Variants in PLP1 observed in about 807,000 individuals in gnomAD.
The protein encoded by PLP1 is proteolipid protein 1.
In PLP1, 2 loss-of-function variants were observed where a neutral mutation model predicts 18.5. The observed-to-expected ratio is 0.11, with a 90% confidence interval of 0.04 to 0.34. The LOEUF (loss-of-function observed/expected upper bound fraction) is 0.34. PLP1 is among the 10% of genes least tolerant of loss of function. PLP1 has a pLI of 1.00. For missense variants in PLP1, 105 were observed against 207.3 expected, an observed-to-expected ratio of 0.51 and a Z score of 3.03; for synonymous variants, 86 against 83.2, an observed-to-expected ratio of 1.03 and a Z score of -0.19.
chrX:103,781,353 A>G (rs1248351834), intron 1 of PLP1: 1 of 311,815 alleles, frequency 3.2e-6, no homozygotes, highest in Non-Finnish European at 6.3e-6. Context: ...CGCTGTGAAG[A>G]GCGCTGGTGA....
chrX:103,777,479 C>T (rs750336927), intron 1 of PLP1, among the ~76,000 whole-genome samples: 1 of 112,046 alleles, frequency 8.9e-6, no homozygotes, highest in South Asian at 3.7e-4. Context: ...TGGACTCAGG[C>T]TTGGCTATGG....
rs145727972 is a variant in PLP1, at chrX:103,790,475, G to A, written c.763-52G>A. On this transcript the variant is annotated intron_variant, in intron 6 of 6. Coordinates refer to ENST00000621218, the MANE Select transcript of PLP1 (RefSeq NM_000533.5). ...CTCATTCCCAAAGGGATTTGAGGAGGGAGTGCTTTCTTTTCTACTCTCATT... is the reference window on the plus strand; with the variant it reads ...CTCATTCCCAAAGGGATTTGAGGAGAGAGTGCTTTCTTTTCTACTCTCATT... 2.3e-3 allele frequency: 1,978 copies of A among 852,010 alleles called. 9 individuals are homozygous for A. The highest frequency in any genetic ancestry group is 0.013 in the Middle Eastern group (47 of 3,673). The allele number at this position is 852,010 out of a possible 1,213,427, so 70.2% of individuals were successfully genotyped here. A position where few individuals can be genotyped will look rare whatever the true frequency, so the allele number is the denominator to read the frequency against.
In PLP1 at chrX:103,786,684, G is replaced by C; in HGVS notation, c.411G>C (p.Arg137=). ...AACATCAAGCTCATTCTTTGGAGCG[G>C]GTGTGTCATTGTTTGGGAAAATGGC... is the stretch of plus-strand genomic sequence containing the variant. ...RGQHQAHSLE[R]VCHCLGKWLG... Residue 137 remains arginine (R), a synonymous_variant, in exon 3 of 7, where the codon CGG becomes CGC. Transcript: ENST00000621218. 8.3e-7 allele frequency: 1 copy of C among 1,211,340 alleles called. No homozygotes were observed. Among genetic ancestry groups the C allele is most frequent in the Non-Finnish European group, 1.1e-6 (1 of 895,123 alleles).
chrX:103,790,605 G>A lies in PLP1; in HGVS notation c.*7G>A, dbSNP rs758148748. ...CCGAGGCACCAAGTTCTGATCCCCC[G>A]TAGAAATCCCCCTTTCTCTAATAGC... On this transcript the variant is annotated 3_prime_UTR_variant, in exon 7 of 7. Coordinates refer to ENST00000621218, the MANE Select transcript of PLP1 (RefSeq NM_000533.5). 6.8e-6 allele frequency: 8 copies of A among 1,173,633 alleles called. No homozygotes were observed. The highest frequency in any genetic ancestry group is 3.0e-5 in the East Asian group (1 of 33,643).
chrX:103,784,278 G>A (rs1052903387), intron 1 of PLP1, among the ~76,000 whole-genome samples: 1 of 111,552 alleles, frequency 9.0e-6, no homozygotes, highest in African/African-American at 3.3e-5. Flanking sequence ...CCCAGGCCCT[G>A]GTGTGTTCCT....
At chrX:103,778,432 A>G (rs1016750887) in intron 1 of PLP1, among the ~76,000 whole-genome samples, 1 of 112,000 alleles carries the variant, frequency 8.9e-6, no homozygotes, top group African/African-American at 3.2e-5. Context: ...GAGGAACTCA[A>G]TTCCTGCCCT....
chrX:103,785,881 C>A, intron 2 of PLP1, 113 bp downstream of exon 2: 1 of 777,466 alleles, frequency 1.3e-6, no homozygotes, highest in Non-Finnish European at 2.0e-6. Flanking sequence ...TGGAGCCAGA[C>A]CGGATTCCCG....
At chrX:103,781,483 C>T (rs1207910211) in intron 1 of PLP1, among the ~76,000 whole-genome samples, 1 of 112,191 alleles carries the variant, frequency 8.9e-6, no homozygotes, top group African/African-American at 3.2e-5. Context: ...TTTGCCCACA[C>T]AACTTCGTTA....
At chrX:103,781,371 T>C (rs2074452908) in intron 1 of PLP1, 1 of 302,240 alleles carries the variant, frequency 3.3e-6, no homozygotes, top group Admixed American at 3.3e-5. Context: ...TGAGAAGGGC[T>C]TAAAGTTGGA....
Position 103,777,080 on chromosome X carries a change from G to A in PLP1, c.4+81G>A, listed in dbSNP as rs1166346101. The A allele has an allele frequency of 3.6e-6, 3 of 828,750 alleles. No homozygotes were observed. The highest frequency in any genetic ancestry group is 2.0e-5 in the African/African-American group (1 of 49,803). 68.3% of individuals were successfully genotyped at this position (828,750 alleles called of 1,213,427 possible). On this transcript the variant is annotated intron_variant, in intron 1 of 6. Transcript: ENST00000621218. ...AGAATTTCCAACTTTGGGGTTCGGG[G>A]GTTCCATGGTTTAAATGAGTCGTGT...
intron 6 of PLP1, among the ~76,000 whole-genome samples, chrX:103,789,733 A>G (rs112019925): frequency 8.9e-6 from 1 of 112,195 alleles, no homozygotes; most frequent in African/African-American, 3.2e-5. Context: ...TTTTGATCAG[A>G]TCAGTGACAA....
In PLP1 at chrX:103,791,970, A is replaced by AT. The variant is rs1235590736; in HGVS notation, c.*1376dup. ...AAGAGTTAGGTTTAACATAAAGGTTATTTTCTCCTGATATAGATCACATAA... is the reference window on the plus strand; with the variant it reads ...AAGAGTTAGGTTTAACATAAAGGTTATTTTTCTCCTGATATAGATCACATAA... On this transcript the variant is annotated 3_prime_UTR_variant, in exon 7 of 7. Transcript: ENST00000621218. 1 of 111,869 alleles carries AT rather than the reference A, an allele frequency of 8.9e-6. No homozygotes were observed. The highest frequency in any genetic ancestry group is 1.9e-5 in the Non-Finnish European group (1 of 53,172). The allele number at this position is 111,869 out of a possible 1,213,427, so 9.2% of individuals were successfully genotyped here. A position where few individuals can be genotyped will look rare whatever the true frequency, so the allele number is the denominator to read the frequency against.
rs977714118 is a variant in PLP1 at position 103,787,819 on chromosome X, C to T, written c.475C>T (p.Leu159=). 15 of 1,210,484 alleles carry T rather than the reference C, an allele frequency of 1.2e-5. No individual in the cohort carries two copies. Among genetic ancestry groups the T allele is most frequent in the Non-Finnish European group, 1.7e-5 (15 of 894,354 alleles). The change falls in exon 4 of 7, where the codon CTG becomes TTG. Residue 159 remains leucine (L), a synonymous_variant. Transcript: ENST00000621218. ...TTAGTTTGTGGGCATCACCTATGCC[C>T]TGACCGTTGTGTGGCTCCTGGTGTT... ...PDKFVGITYA[L]TVVWLLVFAC...
intron 1 of PLP1, chrX:103,780,231 A>G (rs918705735): frequency 5.3e-5 from 6 of 112,646 alleles, no homozygotes; most frequent in Non-Finnish European, 9.4e-5. Context: ...TGCAACAAGG[A>G]GAGAGGAGGA....
Position 103,791,417 on chromosome X carries a change from A to G in PLP1, c.*819A>G, listed in dbSNP as rs761505460. The G allele has an allele frequency of 2.7e-5, 3 of 112,625 alleles. No individual in the cohort carries two copies. The highest frequency in any genetic ancestry group is 9.7e-5 in the African/African-American group (3 of 30,911). 9.3% of individuals were successfully genotyped at this position (112,625 alleles called of 1,213,427 possible). A position where few individuals can be genotyped will look rare whatever the true frequency, so the allele number is the denominator to read the frequency against. ...TCCAAGGAGCTGAGAATAGAAGGAA[A>G]CTAGCTTACATGAGAACAGACTGGC... On this transcript the variant is annotated 3_prime_UTR_variant, in exon 7 of 7. Coordinates refer to ENST00000621218, the MANE Select transcript of PLP1 (RefSeq NM_000533.5).
intron 1 of PLP1, among the ~76,000 whole-genome samples, chrX:103,782,760 A>G (rs1404098057): frequency 9.6e-6 from 1 of 104,338 alleles, no homozygotes. Context: ...GGCTAAACAA[A>G]CAGTCCTGCC....
In PLP1 at chrX:103,776,956, C is replaced by G. The variant is rs1000071136; in HGVS notation, c.-40C>G. ...TGAACAAAGTCAGCCACAAAGCAGACTAGCCAGCCGGCTACAATTGGAGTC... is the reference window on the plus strand; with the variant it reads ...TGAACAAAGTCAGCCACAAAGCAGAGTAGCCAGCCGGCTACAATTGGAGTC... On this transcript the variant is annotated 5_prime_UTR_variant, in exon 1 of 7. Transcript: ENST00000621218. 1.7e-6 allele frequency: 2 copies of G among 1,192,022 alleles called. No homozygotes were observed. The highest frequency in any genetic ancestry group is 2.3e-6 in the Non-Finnish European group (2 of 879,142).
At chrX:103,781,183 T>C (rs1198173210) in intron 1 of PLP1, 11 of 245,631 alleles carry the variant, frequency 4.5e-5, no homozygotes, top group African/African-American at 1.1e-4. Flanking sequence ...ATTTCCATCA[T>C]GGAGCTGGTC....
At chrX:103,790,411 T>C in intron 6 of PLP1, 116 bp from the exon 7 acceptor site, 1 of 614,685 alleles carries the variant, frequency 1.6e-6, no homozygotes, top group East Asian at 3.2e-5. Flanking sequence ...AGAGCATGGG[T>C]TTTTCCCTTA....
Sources: gnomAD v4.1 joint callset for allele counts (sites outside exome capture counted in the v4.1 genomes callset) on GRCh38, gnomAD v4.1.1 for gene constraint, MANE v1.5 for transcripts, NCBI Gene and HGNC (gene_info 2026-07-23, HGNC 2026-07-21) for gene names.